The following GPHN variants were observed in gnomAD, a reference collection of about 807,000 sequenced individuals.
GPHN encodes gephyrin.
In GPHN, 17 loss-of-function variants were observed where a neutral mutation model predicts 95.5. The ratio of observed to expected loss-of-function variants is 0.18; its 90% CI spans 0.12 to 0.27. The LOEUF is 0.27. GPHN is among the 10% of genes least tolerant of loss of function. The pLI, the probability that GPHN is intolerant of heterozygous loss-of-function variation, is 1.00. For missense variants in GPHN, 660 were observed against 978.1 expected (o/e 0.67, Z 4.34); for synonymous variants, 320 against 322.5 (o/e 0.99, Z 0.08).
chr14:66,687,793 T>A (rs1288294020), intron 2 of GPHN, among the ~76,000 whole-genome samples: 3 of 152,154 alleles, frequency 2.0e-5, no homozygotes, highest in Non-Finnish European at 4.4e-5. Context: ...CTGGCCAATA[T>A]TATTTCTTTC....
At chr14:66,873,281 T>A (rs1359108372) in intron 4 of GPHN, among the ~76,000 whole-genome samples, 4 of 152,126 alleles carry the variant, frequency 2.6e-5, no homozygotes, top group African/African-American at 9.7e-5. Flanking sequence ...ACCAGGAGAT[T>A]CCCTCGGGTG....
the GPHN span, among the ~76,000 whole-genome samples, chr14:67,268,322 G>A: frequency 0.012 from 1,839 of 152,288 alleles, 19 homozygotes; most frequent in Non-Finnish European, 0.018. Flanking sequence ...TCATACGATC[G>A]AATTCATCTG....
the GPHN span, chr14:67,650,600 C>A: frequency 3.3e-6 from 3 of 899,814 alleles, no homozygotes; most frequent in Non-Finnish European, 5.3e-6. Context: ...GTATTTTCTA[C>A]TATAAAATGG....
At chr14:67,448,990 A>G in the GPHN span, among the ~76,000 whole-genome samples, 1 of 152,182 alleles carries the variant, frequency 6.6e-6, no homozygotes, top group Non-Finnish European at 1.5e-5. Flanking sequence ...TAGGCGTGGA[A>G]GGTGTCACGA....
At chr14:67,381,575 GA>G in the GPHN span, 1 of 1,597,472 alleles carries the variant, frequency 6.3e-7, no homozygotes, top group Non-Finnish European at 8.5e-7. Flanking sequence ...ATCAACTTTT[GA>G]ATTTTTGTAA....
At chr14:67,573,451 G>A in the GPHN span, 1 of 1,062,734 alleles carries the variant, frequency 9.4e-7, no homozygotes, top group South Asian at 1.3e-5. This position sits in a 1 kb window ranked among gnomAD's most constrained non-coding sequence, Gnocchi z 4.8. Flanking sequence ...GACTATGTCA[G>A]ATGGGACGGA....
At chr14:67,185,460 T>G (rs1177744293), downstream of GPHN, among the ~76,000 whole-genome samples, 1 of 152,250 alleles carries the variant, frequency 6.6e-6, no homozygotes, top group African/African-American at 2.4e-5. Flanking sequence ...GACATCAATT[T>G]CATCTAATCT....
intron 3 of GPHN, among the ~76,000 whole-genome samples, chr14:66,820,123 G>T (rs1288219265): frequency 6.6e-6 from 1 of 152,080 alleles, no homozygotes; most frequent in Non-Finnish European, 1.5e-5. Context: ...TTGAATCCTT[G>T]CTATGAAAGA....
At chr14:67,251,634 T>C in the GPHN span, among the ~76,000 whole-genome samples, 19 of 152,238 alleles carry the variant, frequency 1.2e-4, no homozygotes, top group African/African-American at 4.6e-4. Context: ...TCTTTTTGTC[T>C]TAGTATGTCA....
chr14:66,604,228 C>A (rs2062400009), intron 1 of GPHN, among the ~76,000 whole-genome samples: 1 of 152,032 alleles, frequency 6.6e-6, no homozygotes, highest in South Asian at 2.1e-4. Flanking sequence ...TTTGTAGGAA[C>A]TCTGTTACTG....
intron 12 of GPHN, among the ~76,000 whole-genome samples, chr14:67,097,665 C>A (rs1297167181): frequency 6.6e-6 from 1 of 152,122 alleles, no homozygotes; most frequent in Non-Finnish European, 1.5e-5. Flanking sequence ...AGCTCAGGTA[C>A]TTTAATTATA....
chr14:66,877,250 G>A (rs903263063), intron 4 of GPHN, among the ~76,000 whole-genome samples: 1 of 152,106 alleles, frequency 6.6e-6, no homozygotes, highest in South Asian at 2.1e-4. Flanking sequence ...AATAATAAGA[G>A]CTATTTATGA....
chr14:66,986,000 G>T (rs1208011721), intron 9 of GPHN, among the ~76,000 whole-genome samples: 9 of 152,036 alleles, frequency 5.9e-5, no homozygotes, highest in African/African-American at 2.2e-4. Flanking sequence ...CCTCATTACA[G>T]GTGCCTATAA....
At chr14:67,555,784 G>T in the GPHN span, 1 of 1,609,154 alleles carries the variant, frequency 6.2e-7, no homozygotes, top group East Asian at 2.2e-5. Context: ...TCACAGTAGG[G>T]ACATGGCACC....
intron 9 of GPHN, chr14:66,996,196 C>T (rs1041538295): frequency 1.3e-6 from 2 of 1,532,804 alleles, no homozygotes; most frequent in African/African-American, 2.7e-5. Context: ...CCCTCGTGCT[C>T]ATCTACCTAT....
At chr14:67,233,177 T>C in the GPHN span, among the ~76,000 whole-genome samples, 1 of 150,628 alleles carries the variant, frequency 6.6e-6, no homozygotes, top group Non-Finnish European at 1.5e-5. Context: ...AGTCTCACTC[T>C]GTCACTCAGG....
At chr14:67,293,660 A>G in the GPHN span, among the ~76,000 whole-genome samples, 1 of 152,210 alleles carries the variant, frequency 6.6e-6, no homozygotes, top group Non-Finnish European at 1.5e-5. Context: ...CTATTCACAC[A>G]TGTAGGCAAT....
Position 66,837,818 on chromosome 14 carries a change from C to T in GPHN, c.294+13252C>T, listed in dbSNP as rs187151872. 2.6e-5 allele frequency among the ~76,000 whole-genome samples: 4 copies of T among 151,706 alleles called. No homozygotes were observed. In the East Asian group the frequency reaches 7.7e-4, roughly 29 times the overall value. On this transcript the variant is annotated intron_variant, in intron 4 of 22. Transcript: ENST00000478722. ...AAATAAAAATTATATATTCAATTTC[C>T]TTTAAATATATATCCTAATTGTATA...
At chr14:67,621,899 C>A in the GPHN span, among the ~76,000 whole-genome samples, 45,017 of 151,282 alleles carry the variant, frequency 0.3, 6,837 homozygotes, top group African/African-American at 0.37. Flanking sequence ...GAGTTCGAGA[C>A]CAGCCTGACC....
Sources: gnomAD v4.1 joint callset for allele counts (sites outside exome capture counted in the v4.1 genomes callset) on GRCh38, gnomAD v4.1.1 for gene constraint, Gnocchi (gnomAD v3.1) non-coding constraint, MANE v1.5 for transcripts, NCBI Gene and HGNC (gene_info 2026-07-23, HGNC 2026-07-21) for gene names.